Variants in RAB30 observed in about 807,000 individuals in gnomAD.
The protein encoded by RAB30 is ras-related protein Rab-30.
In RAB30, 9 loss-of-function variants were observed where a neutral mutation model predicts 25.1. The ratio of observed to expected loss-of-function variants is 0.36; its 90% CI spans 0.22 to 0.63. RAB30 has a LOEUF of 0.63. Ranked by LOEUF, RAB30 falls within the 20% of genes least tolerant of loss-of-function variation. The probability of loss-of-function intolerance (pLI) is 0.69; values close to 1 mark genes in which losing one functional copy is unlikely to be tolerated. For synonymous variants in RAB30, 77 were observed against 86.4 expected, an observed-to-expected ratio of 0.89 and a Z score of 0.60; for missense variants, 140 against 243.5, an observed-to-expected ratio of 0.58 and a Z score of 2.83.
Position 83,000,392 on chromosome 11 carries a change from A to C in RAB30, c.-8-3068T>G, listed in dbSNP as rs527356373. Among the ~76,000 whole-genome samples the C allele has an allele frequency of 2.0e-5, 3 of 152,352 alleles. No homozygotes were observed. In the East Asian group the frequency reaches 5.8e-4, roughly 29 times the overall value. On this transcript the variant is annotated intron_variant, in intron 1 of 4. Coordinates refer to ENST00000527633, the MANE Select transcript of RAB30 (RefSeq NM_001286060.2). ...CCACCCTGTAGAAGTTTAAATAAGA[A>C]TCAAAGTCAAACTCCTGATAAACAC...
chr11:82,980,010 C>T lies in RAB30; in HGVS notation c.*2155G>A, dbSNP rs559116518. On this transcript the variant is annotated 3_prime_UTR_variant, in exon 5 of 5. Coordinates refer to ENST00000527633, the MANE Select transcript of RAB30 (RefSeq NM_001286060.2). ...ACAAAGCAACTTTATTTTCAACACA[C>T]TTGCAACTGTGAGACAAAGTTGGGT... 2 of 152,356 alleles carry T rather than the reference C, an allele frequency of 1.3e-5. No individual in the cohort carries two copies. Among genetic ancestry groups the T allele is most frequent in the South Asian group, 2.1e-4 (1 of 4,834 alleles). 9.4% of individuals were successfully genotyped at this position (152,356 alleles called of 1,614,324 possible).
At chr11:83,006,693 T>A (rs144771066) in intron 1 of RAB30, among the ~76,000 whole-genome samples, 19 of 152,258 alleles carry the variant, frequency 1.2e-4, no homozygotes, top group African/African-American at 4.6e-4. Flanking sequence ...AAAAAATCTA[T>A]TTGGGGTACT....
chr11:82,980,823 T>TGGGAGGGAAGGAGGGA lies in RAB30; in HGVS notation c.*1326_*1341dup, dbSNP rs1565264869. The TGGGAGGGAAGGAGGGA allele has an allele frequency of 1.7e-5, 2 of 118,674 alleles. No homozygotes were observed. Among genetic ancestry groups the TGGGAGGGAAGGAGGGA allele is most frequent in the Non-Finnish European group, 3.4e-5 (2 of 59,364 alleles). The allele number at this position is 118,674 out of a possible 1,614,324, so 7.4% of individuals were successfully genotyped here. ...TTGCAGTAACACAGGCATATAAGGATGGGAGGGAAGGAGGGAGGGAGGGAG... is the reference window on the plus strand; with the variant it reads ...TTGCAGTAACACAGGCATATAAGGATGGGAGGGAAGGAGGGAGGGAGGGAAGGAGGGAGGGAGGGAG... On this transcript the variant is annotated 3_prime_UTR_variant, in exon 5 of 5. Transcript: ENST00000527633.
intron 1 of RAB30, among the ~76,000 whole-genome samples, chr11:83,065,521 A>G (rs1160313984): frequency 6.6e-6 from 1 of 152,180 alleles, no homozygotes; most frequent in Non-Finnish European, 1.5e-5. Flanking sequence ...GTGGCCTCCC[A>G]AAGTGCTAGG....
intron 1 of RAB30, among the ~76,000 whole-genome samples, chr11:83,058,171 G>A (rs1858494587): frequency 6.6e-6 from 1 of 152,098 alleles, no homozygotes; most frequent in Non-Finnish European, 1.5e-5. Context: ...CCTCTGTAAT[G>A]GACATTTCTT....
chr11:82,987,449 CAGA>C (rs1856758422), intron 4 of RAB30, 135 bp downstream of exon 4: 2 of 804,290 alleles, frequency 2.5e-6, no homozygotes, highest in South Asian at 2.8e-5. Context: ...TCTTCAATTG[CAGA>C]AGAACTGAAG....
intron 1 of RAB30, among the ~76,000 whole-genome samples, chr11:83,047,268 C>A (rs1424409020): frequency 2.6e-5 from 4 of 152,042 alleles, no homozygotes; most frequent in Non-Finnish European, 5.9e-5. Context: ...GCTCAGATAA[C>A]CAGGATTAAA....
At chr11:83,024,831 G>A (rs1857671007) in intron 1 of RAB30, among the ~76,000 whole-genome samples, 1 of 152,212 alleles carries the variant, frequency 6.6e-6, no homozygotes, top group African/African-American at 2.4e-5. Flanking sequence ...TAACAAGCGT[G>A]AAGTAAAGAA....
At chr11:83,037,293 A>T (rs1858007483) in intron 1 of RAB30, among the ~76,000 whole-genome samples, 1 of 152,200 alleles carries the variant, frequency 6.6e-6, no homozygotes, top group African/African-American at 2.4e-5. Context: ...TCTGTCACCC[A>T]GGCTGGACTA....
chr11:83,067,369 TG>T (rs1298858319), intron 1 of RAB30, among the ~76,000 whole-genome samples: 6 of 152,048 alleles, frequency 3.9e-5, no homozygotes, highest in African/African-American at 1.4e-4. Flanking sequence ...AAAAAAAATG[TG>T]ATATGTCCAA....
chr11:83,003,950 G>T (rs183649088), intron 1 of RAB30, among the ~76,000 whole-genome samples: 1 of 152,236 alleles, frequency 6.6e-6, no homozygotes, highest in African/African-American at 2.4e-5. Context: ...GTAAGTGGGG[G>T]ATGTAGAGGA....
chr11:83,061,969 C>G (rs1306339842), intron 1 of RAB30, among the ~76,000 whole-genome samples: 1 of 151,910 alleles, frequency 6.6e-6, no homozygotes, highest in East Asian at 1.9e-4. Flanking sequence ...CATTATGGCT[C>G]CAGTGAACAA....
intron 1 of RAB30, among the ~76,000 whole-genome samples, chr11:83,010,292 A>T (rs1857276187): frequency 6.6e-6 from 1 of 152,140 alleles, no homozygotes; most frequent in Non-Finnish European, 1.5e-5. Flanking sequence ...CTCTACAAGA[A>T]ATTTAAAAAT....
rs1181057652 is a variant in RAB30 at position 83,001,046 on chromosome 11, C to CAAAAAAAAAAA, written c.-8-3733_-8-3723dup. Among the ~76,000 whole-genome samples the CAAAAAAAAAAA allele has an allele frequency of 3.7e-5, 2 of 53,634 alleles. 1 individual carries two copies. Among genetic ancestry groups the CAAAAAAAAAAA allele is most frequent in the Non-Finnish European group, 6.5e-5 (2 of 30,578 alleles). The allele number at this position is 53,634 out of a possible 152,430, so 35.2% of individuals were successfully genotyped here. On this transcript the variant is annotated intron_variant, in intron 1 of 4. Coordinates refer to ENST00000527633, the MANE Select transcript of RAB30 (RefSeq NM_001286060.2). Reference sequence around the variant, plus strand: ...TGGGCGACAGAACGAGACTCCGTCTCAAAAAAAAAAAAAAAAAAAAAAAAG... The same window carrying CAAAAAAAAAAA: ...TGGGCGACAGAACGAGACTCCGTCTCAAAAAAAAAAAAAAAAAAAAAAAAAAAAAAAAAAAG...
At chr11:83,052,158 C>T (rs1231476539) in intron 1 of RAB30, among the ~76,000 whole-genome samples, 1 of 152,206 alleles carries the variant, frequency 6.6e-6, no homozygotes, top group Non-Finnish European at 1.5e-5. Context: ...CAAATTTGGT[C>T]TTTAAGAACA....
intron 1 of RAB30, among the ~76,000 whole-genome samples, chr11:83,015,457 TG>T (rs1202732478): frequency 4.6e-5 from 7 of 152,274 alleles, no homozygotes; most frequent in Admixed American, 4.6e-4. Context: ...TTTCTGAAGT[TG>T]GGAAGATTGG....
At chr11:83,048,698 T>C (rs1469246021) in intron 1 of RAB30, among the ~76,000 whole-genome samples, 3 of 152,166 alleles carry the variant, frequency 2.0e-5, no homozygotes, top group Admixed American at 6.5e-5. Context: ...CCAATCAAAA[T>C]GAGTTTAATG....
chr11:83,017,339 AAATAAT>A (rs1857460841), intron 1 of RAB30, among the ~76,000 whole-genome samples: 1 of 152,220 alleles, frequency 6.6e-6, no homozygotes, highest in African/African-American at 2.4e-5. Context: ...CCCTGTATCA[AAATAAT>A]AATAATAATG....
intron 1 of RAB30, among the ~76,000 whole-genome samples, chr11:83,055,546 T>C (rs1858441027): frequency 6.6e-6 from 1 of 152,280 alleles, no homozygotes. Context: ...TTCTAACACT[T>C]ATTACTTCTC....
Sources: gnomAD v4.1 joint callset for allele counts (sites outside exome capture counted in the v4.1 genomes callset) on GRCh38, gnomAD v4.1.1 for gene constraint, MANE v1.5 for transcripts, NCBI Gene and HGNC (gene_info 2026-07-23, HGNC 2026-07-21) for gene names.